The following MRPL21 variants were observed in gnomAD, a reference collection of about 807,000 sequenced individuals.
The protein encoded by MRPL21 is mitochondrial ribosomal protein L21, also known as large ribosomal subunit protein bL21m.
MRPL21 carries 20 observed loss-of-function variants against 27.3 expected under a neutral mutation model. The ratio of observed to expected loss-of-function variants is 0.73; its 90% CI spans 0.52 to 1.06. MRPL21 has a LOEUF of 1.06. Ranked by LOEUF, MRPL21 falls within the 50% of genes least tolerant of loss-of-function variation. The pLI is 0.00. For missense variants in MRPL21, 249 were observed against 251.4 expected (o/e 0.99, Z 0.06); for synonymous variants, 98 against 101.5 (o/e 0.97, Z 0.21).
chr11:68,901,535 TA>T (rs1447065160), intron 1 of MRPL21, among the ~76,000 whole-genome samples: 3 of 152,216 alleles, frequency 2.0e-5, no homozygotes, highest in Non-Finnish European at 2.9e-5. Flanking sequence ...TTACACACCA[TA>T]AAAACCACCT....
At chr11:68,903,578 C>T in intron 1 of MRPL21, 145 bp downstream of exon 1, 1 of 800,558 alleles carries the variant, frequency 1.2e-6, no homozygotes, top group Non-Finnish European at 2.0e-6. Flanking sequence ...ACCTGGGTTC[C>T]CCCGACTCCA....
intron 3 of MRPL21, chr11:68,897,650 C>A (rs1857830713): frequency 1.9e-6 from 1 of 516,040 alleles, no homozygotes. Context: ...TGTCGCTGCA[C>A]CCACCAACAG....
chr11:68,896,469 T>G, intron 4 of MRPL21, 46 bp downstream of exon 4: 1 of 1,607,082 alleles, frequency 6.2e-7, no homozygotes, highest in Non-Finnish European at 8.5e-7. Flanking sequence ...GATTACATAC[T>G]TGGTGGCTGA....
chr11:68,897,776 T>G lies in MRPL21; in HGVS notation c.232+151A>C, dbSNP rs973190078. The G allele has an allele frequency of 6.5e-6, 4 of 611,172 alleles. No individual in the cohort carries two copies. The South Asian group carries it at 8.2e-5, about 13-fold the overall frequency. The allele number at this position is 611,172 out of a possible 1,614,324, so 37.9% of individuals were successfully genotyped here. ...CATCTGAAATTCTGGTGTTAACTGG[T>G]GAAAATGGACATGAGTGCTGGCACT... On this transcript the variant is annotated intron_variant, in intron 3 of 6. Transcript: ENST00000362034.
At chr11:68,902,754 T>TA (rs1857991086) in intron 1 of MRPL21, among the ~76,000 whole-genome samples, 1 of 152,226 alleles carries the variant, frequency 6.6e-6, no homozygotes, top group Admixed American at 6.5e-5. Flanking sequence ...CATTATATCA[T>TA]ACAGAATAGT....
intron 1 of MRPL21, 47 bp downstream of exon 1, chr11:68,903,676 C>T: frequency 6.3e-7 from 1 of 1,593,188 alleles, no homozygotes; most frequent in Non-Finnish European, 8.6e-7. Flanking sequence ...CCGCAGGGAG[C>T]AGCGCTCGCT....
At chr11:68,901,107 G>A (rs1857923794) in intron 1 of MRPL21, among the ~76,000 whole-genome samples, 1 of 151,838 alleles carries the variant, frequency 6.6e-6, no homozygotes, top group Admixed American at 6.6e-5. Flanking sequence ...CCTTAGGGCT[G>A]CCCTGCTGTG....
intron 2 of MRPL21, among the ~76,000 whole-genome samples, chr11:68,899,634 A>C (rs1857885841): frequency 6.6e-6 from 1 of 152,222 alleles, no homozygotes. Flanking sequence ...GTGTGAGAAG[A>C]ACACGCTGGC....
chr11:68,894,147 A>G (rs988619141), intron 4 of MRPL21, among the ~76,000 whole-genome samples: 4 of 152,244 alleles, frequency 2.6e-5, no homozygotes, highest in African/African-American at 9.6e-5. Flanking sequence ...TAATATTGCA[A>G]TGATTGAGGC....
intron 3 of MRPL21, 88 bp from the exon 4 acceptor site, chr11:68,896,766 C>T: frequency 1.3e-6 from 2 of 1,553,608 alleles, no homozygotes; most frequent in Admixed American, 3.4e-5. Context: ...GTGGTGGGGC[C>T]CTAGGGTGGA....
chr11:68,892,954 C>A lies in MRPL21; in HGVS notation c.489G>T (p.Lys163Asn). ...TAATGATTCTTGGCCATGATTCTGT[C>A]TTTTCAATGACTGTGGCTTCTACTC... Reference protein sequence around the residue: ...LVRVEATVIEKTESWPRIIMR... With the variant: ...LVRVEATVIENTESWPRIIMR... The change falls in exon 6 of 7, where the codon AAG becomes AAT. Residue 163 changes from lysine to asparagine, a missense_variant. Physicochemically the swap from Lys to Asn is moderately conservative, Grantham distance 94 (BLOSUM62 0). Transcript: ENST00000362034. 2 of 1,611,658 alleles carry A rather than the reference C, an allele frequency of 1.2e-6. No homozygotes were observed. Among genetic ancestry groups the A allele is most frequent in the South Asian group, 1.1e-5 (1 of 90,674 alleles).
intron 2 of MRPL21, among the ~76,000 whole-genome samples, chr11:68,898,437 C>T (rs891085494): frequency 1.3e-5 from 2 of 152,240 alleles, no homozygotes; most frequent in South Asian, 2.1e-4. Context: ...GGAATGGCAG[C>T]TCCAATGACC....
intron 6 of MRPL21, chr11:68,891,975 A>T: frequency 4.8e-6 from 4 of 835,388 alleles, no homozygotes; most frequent in Non-Finnish European, 6.7e-6. Flanking sequence ...GGACAGCCCT[A>T]CACCTGCTTG....
chr11:68,903,306 G>A (rs76885884), intron 1 of MRPL21, among the ~76,000 whole-genome samples: 2,140 of 152,286 alleles, frequency 0.014, 47 homozygotes, highest in African/African-American at 0.049. Flanking sequence ...TTCTTTTGCA[G>A]AATGAGTTCA....
Position 68,892,877 on chromosome 11 carries a change from TTCTC to T in MRPL21, c.553+9_553+12del, listed in dbSNP as rs773198664. The T allele has an allele frequency of 8.1e-6, 13 of 1,608,098 alleles. No individual in the cohort carries two copies. The South Asian group carries it at 1.2e-4, about 15-fold the overall frequency. ...CCGTGCAACAGGGCCCAGCGGTACT[TTCTC>T]TAACTTACTTCTTTTCTTCTTGAAG... On this transcript the variant is annotated intron_variant, in intron 6 of 6. Coordinates refer to ENST00000362034, the MANE Select transcript of MRPL21 (RefSeq NM_181514.2).
chr11:68,902,003 C>T (rs749220705), intron 1 of MRPL21, among the ~76,000 whole-genome samples: 1 of 152,216 alleles, frequency 6.6e-6, no homozygotes, highest in Non-Finnish European at 1.5e-5. Flanking sequence ...AAAAACTTAG[C>T]AGGCTTCTGT....
intron 6 of MRPL21, chr11:68,892,008 A>T: frequency 9.6e-7 from 1 of 1,040,096 alleles, no homozygotes; most frequent in South Asian, 2.6e-5. Flanking sequence ...TGCTTTGGGG[A>T]CAGTGCTAGG....
At position 68,897,804 on chromosome 11, in the gene MRPL21, G is replaced by C. The variant is rs75855542; in HGVS notation, c.232+123C>G. 4.7e-3 allele frequency: 3,335 copies of C among 704,876 alleles called. 70 individuals are homozygous for C. In the African/African-American group the frequency reaches 0.053, roughly 11 times the overall value. The allele number at this position is 704,876 out of a possible 1,614,324, so 43.7% of individuals were successfully genotyped here. A position where few individuals can be genotyped will look rare whatever the true frequency, so the allele number is the denominator to read the frequency against. On this transcript the variant is annotated intron_variant, in intron 3 of 6. Coordinates refer to ENST00000362034, the MANE Select transcript of MRPL21 (RefSeq NM_181514.2). ...AAATGGACATGAGTGCTGGCACTGT[G>C]CTGTGTCTGGGAGCATCTGGAAACA...
rs111610917 is a variant in MRPL21, at chr11:68,902,831, C to T, written c.88+892G>A. 2.8e-4 allele frequency among the ~76,000 whole-genome samples: 43 copies of T among 152,098 alleles called. 1 individual carries two copies. The highest frequency in any genetic ancestry group is 1.0e-3 in the African/African-American group (43 of 41,488). ...TTTTCTCCCCCAATCCTCTTACCCC[C>T]CATGTAACTTTTTACTGTCTCCTTA... On this transcript the variant is annotated intron_variant, in intron 1 of 6. Coordinates refer to ENST00000362034, the MANE Select transcript of MRPL21 (RefSeq NM_181514.2).
Sources: gnomAD v4.1 joint callset for allele counts (sites outside exome capture counted in the v4.1 genomes callset) on GRCh38, gnomAD v4.1.1 for gene constraint, MANE v1.5 for transcripts, NCBI Gene and HGNC (gene_info 2026-07-23, HGNC 2026-07-21) for gene names.